The following ZC3H8 variants were observed in gnomAD, a reference collection of about 807,000 sequenced individuals.
ZC3H8 encodes the protein zinc finger CCCH-type containing 8.
In ZC3H8, 27 loss-of-function variants were observed where a neutral mutation model predicts 42.5. The ratio of observed to expected loss-of-function variants is 0.64; its 90% CI spans 0.47 to 0.88. The LOEUF is 0.88. Ranked by LOEUF, ZC3H8 falls within the 40% of genes least tolerant of loss-of-function variation. The pLI is 0.00. For missense variants in ZC3H8, 277 were observed against 336.1 expected (o/e 0.82, Z 1.37); for synonymous variants, 101 against 110.1 (o/e 0.92, Z 0.52).
intron 4 of ZC3H8, among the ~76,000 whole-genome samples, 163 bp from the exon 5 acceptor site, chr2:112,234,399 G>A (rs192887349): frequency 1.3e-5 from 2 of 152,288 alleles, no homozygotes. Context: ...GGTTAAAAAT[G>A]AATGTTTTGT....
At chr2:112,228,289 G>A (rs886314976) in intron 8 of ZC3H8, among the ~76,000 whole-genome samples, 1 of 152,112 alleles carries the variant, frequency 6.6e-6, no homozygotes, top group African/African-American at 2.4e-5. Flanking sequence ...ATCACCTGAG[G>A]TCAGGAGTTC....
chr2:112,230,996 G>C (rs1248640885), intron 7 of ZC3H8, 46 bp from the exon 8 acceptor site: 1 of 1,115,570 alleles, frequency 9.0e-7, no homozygotes, highest in Non-Finnish European at 1.2e-6. Flanking sequence ...GCATTCATGT[G>C]TAATTCAGGT....
chr2:112,220,928 G>A (rs185790507), intron 8 of ZC3H8, among the ~76,000 whole-genome samples: 7 of 152,272 alleles, frequency 4.6e-5, no homozygotes, highest in East Asian at 3.9e-4. Context: ...ATGACTATCC[G>A]TCATGAGGAT....
chr2:112,246,657 G>C (rs1044840650), intron 2 of ZC3H8, among the ~76,000 whole-genome samples: 4 of 152,184 alleles, frequency 2.6e-5, no homozygotes, highest in African/African-American at 9.6e-5. Context: ...GAACAGATGA[G>C]GAGCTGCTTC....
rs112280995 is a variant in ZC3H8 at position 112,238,316 on chromosome 2, C to T, written c.369G>A (p.Gln123=). The T allele has an allele frequency of 0.011, 18,499 of 1,612,938 alleles. 157 individuals carry two copies. The highest frequency in any genetic ancestry group is 0.014 in the Non-Finnish European group (16,083 of 1,179,600). ...ATGATAAAATAGTTTGACTCTTACC[C>T]TGTGGGGTATCTTTTACTCCTTCTT... is the stretch of plus-strand genomic sequence containing the variant. ...TKKEGVKDTP[Q]AAKQKNKNLK... The change falls in exon 3 of 9, where the codon CAG becomes CAA. Residue 123 remains glutamine, a splice_region_variant and synonymous_variant. Coordinates refer to ENST00000409573, the MANE Select transcript of ZC3H8 (RefSeq NM_032494.3).
At chr2:112,233,875 A>C (rs1276599347) in intron 5 of ZC3H8, among the ~76,000 whole-genome samples, 1 of 152,166 alleles carries the variant, frequency 6.6e-6, no homozygotes, top group East Asian at 1.9e-4. Flanking sequence ...TCTCAAAAAA[A>C]ATAAATAAAT....
At chr2:112,232,055 G>A in intron 6 of ZC3H8, 108 bp from the exon 7 acceptor site, 1 of 559,680 alleles carries the variant, frequency 1.8e-6, no homozygotes, top group Non-Finnish European at 2.9e-6. Context: ...CGGGCGAGGT[G>A]GCTCATGCCT....
chr2:112,253,202 A>G (rs1176003451), intron 1 of ZC3H8, among the ~76,000 whole-genome samples: 1 of 151,716 alleles, frequency 6.6e-6, no homozygotes, highest in East Asian at 1.9e-4. Context: ...TTTTCCCCTT[A>G]CCCTTCATTC....
At chr2:112,249,169 C>T (rs2104670300) in intron 2 of ZC3H8, among the ~76,000 whole-genome samples, 1 of 152,284 alleles carries the variant, frequency 6.6e-6, no homozygotes, top group African/African-American at 2.4e-5. Context: ...GCACTCCAAC[C>T]TGGGTGACAG....
At chr2:112,248,291 A>C (rs1262898487) in intron 2 of ZC3H8, among the ~76,000 whole-genome samples, 1 of 151,558 alleles carries the variant, frequency 6.6e-6, no homozygotes, top group Admixed American at 6.6e-5. Flanking sequence ...ATGCTACCAC[A>C]CTCCAGCCTG....
chr2:112,213,891 A>G lies in ZC3H8; in HGVS notation c.*2593T>C, dbSNP rs1175131380. 6.6e-6 allele frequency: 1 copy of G among 151,092 alleles called. No individual in the cohort carries two copies. Among genetic ancestry groups the G allele is most frequent in the Non-Finnish European group, 1.5e-5 (1 of 67,864 alleles). 9.4% of individuals were successfully genotyped at this position (151,092 alleles called of 1,614,324 possible). A position where few individuals can be genotyped will look rare whatever the true frequency, so the allele number is the denominator to read the frequency against. On this transcript the variant is annotated 3_prime_UTR_variant, in exon 9 of 9. Coordinates refer to ENST00000409573, the MANE Select transcript of ZC3H8 (RefSeq NM_032494.3). Reference sequence around the variant, plus strand: ...AAACCTGTCACACAGAATTTTAGAAATGAGAATTCTGTCCATTCTATTCTG... The same window carrying G: ...AAACCTGTCACACAGAATTTTAGAAGTGAGAATTCTGTCCATTCTATTCTG...
chr2:112,222,581 C>G (rs537703348), intron 8 of ZC3H8, among the ~76,000 whole-genome samples: 1 of 152,218 alleles, frequency 6.6e-6, no homozygotes, highest in South Asian at 2.1e-4. Context: ...CTACATTTGT[C>G]AAAATCACAA....
intron 2 of ZC3H8, among the ~76,000 whole-genome samples, chr2:112,244,173 G>A (rs1401530630): frequency 2.0e-5 from 3 of 152,026 alleles, no homozygotes; most frequent in Non-Finnish European, 4.4e-5. Flanking sequence ...AAAGCTTCCA[G>A]AGAAAACAGG....
chr2:112,216,269 T>C lies in ZC3H8; in HGVS notation c.*215A>G, dbSNP rs1028308324. ...TCCTCTCCTATTCCAATGGCTGGAA[T>C]GTCTCAGGGAAGACCAAGCCCTTCA... On this transcript the variant is annotated 3_prime_UTR_variant, in exon 9 of 9. Transcript: ENST00000409573. 5 of 152,290 alleles carry C rather than the reference T, an allele frequency of 3.3e-5. No homozygotes were observed. 9.4% of individuals were successfully genotyped at this position (152,290 alleles called of 1,614,324 possible).
intron 8 of ZC3H8, among the ~76,000 whole-genome samples, chr2:112,225,522 A>G (rs1436281151): frequency 1.3e-5 from 2 of 152,130 alleles, no homozygotes; most frequent in Non-Finnish European, 2.9e-5. Context: ...AAAAGCCTCA[A>G]TGTCACAAAG....
chr2:112,254,021 T>C, intron 1 of ZC3H8: 1 of 756,636 alleles, frequency 1.3e-6, no homozygotes, highest in Middle Eastern at 6.7e-4. Context: ...AGTTTTCCCA[T>C]CTGTAAAACG....
At chr2:112,253,163 C>T in intron 1 of ZC3H8, among the ~76,000 whole-genome samples, 1 of 151,894 alleles carries the variant, frequency 6.6e-6, no homozygotes, top group East Asian at 1.9e-4. Flanking sequence ...CACAAAACTA[C>T]TCCCTCCCTA....
At chr2:112,222,846 A>G (rs1400298961) in intron 8 of ZC3H8, among the ~76,000 whole-genome samples, 2 of 152,212 alleles carry the variant, frequency 1.3e-5, no homozygotes, top group Non-Finnish European at 2.9e-5. Flanking sequence ...CTCTGGTAAT[A>G]TATGTGGTGG....
chr2:112,212,935 G>C lies in ZC3H8; in HGVS notation c.*3549C>G, dbSNP rs1282486040. The C allele has an allele frequency of 1.4e-5, 2 of 141,422 alleles. No homozygotes were observed. Among genetic ancestry groups the C allele is most frequent in the African/African-American group, 5.2e-5 (2 of 38,654 alleles). 8.8% of individuals were successfully genotyped at this position (141,422 alleles called of 1,614,324 possible). On this transcript the variant is annotated 3_prime_UTR_variant, in exon 9 of 9. Coordinates refer to ENST00000409573, the MANE Select transcript of ZC3H8 (RefSeq NM_032494.3). ...GCATTACCAAATCACCTAGTATTTT[G>C]AGTTCAGCAAGCACAACTCAGAAGA...
Sources: allele counts gnomAD v4.1 joint callset (sites outside exome capture counted in the v4.1 genomes callset), GRCh38; gene constraint gnomAD v4.1.1; transcripts MANE v1.5; gene names NCBI Gene and HGNC (gene_info 2026-07-23, HGNC 2026-07-21).